TMEM38B: variants seen among roughly 807,000 people sequenced by gnomAD.
TMEM38B encodes the protein trimeric intracellular cation channel type B.
TMEM38B carries 24 observed loss-of-function variants against 28.7 expected under a neutral mutation model. That is an observed-to-expected ratio of 0.84 (90% CI 0.61 to 1.18). The LOEUF is 1.18. Among genes scored for constraint, TMEM38B ranks in the 50% most tolerant of loss-of-function variants. TMEM38B has a pLI of 0.00. For synonymous variants in TMEM38B, 131 were observed against 127.7 expected (o/e 1.03, Z -0.17); for missense variants, 380 against 350.9 (o/e 1.08, Z -0.66).
At chr9:105,744,119 T>TA (rs1407650615) in intron 4 of TMEM38B, among the ~76,000 whole-genome samples, 1 of 152,032 alleles carries the variant, frequency 6.6e-6, no homozygotes, top group Non-Finnish European at 1.5e-5. Context: ...TGGGTTGGGA[T>TA]AAAATATTTA....
At chr9:105,747,168 T>C (rs1412036107) in intron 4 of TMEM38B, among the ~76,000 whole-genome samples, 3 of 152,222 alleles carry the variant, frequency 2.0e-5, no homozygotes, top group Non-Finnish European at 4.4e-5. Context: ...CTCCTCCTTG[T>C]ACCTCTGGTA....
intron 2 of TMEM38B, among the ~76,000 whole-genome samples, chr9:105,713,788 C>A (rs1835995673): frequency 6.6e-6 from 1 of 152,198 alleles, no homozygotes; most frequent in Non-Finnish European, 1.5e-5. Flanking sequence ...CCATGGCTTC[C>A]CATGGCTGCT....
intron 2 of TMEM38B, 130 bp downstream of exon 2, chr9:105,705,883 AC>A: frequency 1.1e-6 from 1 of 934,350 alleles, no homozygotes; most frequent in Non-Finnish European, 1.5e-6. Flanking sequence ...CAAGGAAGGA[AC>A]CCAAATAATG....
intron 5 of TMEM38B, among the ~76,000 whole-genome samples, chr9:105,768,719 T>C (rs1826453739): frequency 6.6e-6 from 1 of 152,198 alleles, no homozygotes; most frequent in African/African-American, 2.4e-5. Context: ...GTTATCCCTT[T>C]AATGTCTGTA....
chr9:105,751,698 T>TG (rs1837658782), intron 5 of TMEM38B, among the ~76,000 whole-genome samples: 1 of 152,092 alleles, frequency 6.6e-6, no homozygotes, highest in Non-Finnish European at 1.5e-5. Context: ...CTTGAGTTCC[T>TG]GGGGGGAGGG....
intron 4 of TMEM38B, among the ~76,000 whole-genome samples, chr9:105,734,921 C>G (rs1836915062): frequency 6.8e-6 from 1 of 146,884 alleles, no homozygotes; most frequent in Non-Finnish European, 1.5e-5. Flanking sequence ...GGCATTTAAT[C>G]CATTTACATT....
intron 1 of TMEM38B, 53 bp downstream of exon 1, chr9:105,694,825 G>A: frequency 2.2e-6 from 1 of 451,024 alleles, no homozygotes; most frequent in Non-Finnish European, 3.8e-6. Context: ...TGACGGCGAG[G>A]ACCGTCTAAG....
chr9:105,720,786 A>G (rs191618564), intron 2 of TMEM38B, among the ~76,000 whole-genome samples: 9 of 152,260 alleles, frequency 5.9e-5, no homozygotes, highest in African/African-American at 2.2e-4. Context: ...GAGTATTTGG[A>G]GAATGGAGAG....
intron 1 of TMEM38B, among the ~76,000 whole-genome samples, chr9:105,696,781 G>T (rs1006731233): frequency 1.3e-5 from 2 of 152,212 alleles, no homozygotes; most frequent in African/African-American, 4.8e-5. Flanking sequence ...TTAAGAGCAG[G>T]ATTTATGGTA....
intron 1 of TMEM38B, among the ~76,000 whole-genome samples, chr9:105,700,139 T>A (rs1835416640): frequency 6.6e-6 from 1 of 152,224 alleles, no homozygotes; most frequent in African/African-American, 2.4e-5. Context: ...TCTGCTAACC[T>A]CTCTGAAGTC....
intron 4 of TMEM38B, among the ~76,000 whole-genome samples, chr9:105,744,573 TTTTTTATTTTTTA>T (rs1481472674): frequency 3.3e-5 from 5 of 151,852 alleles, no homozygotes; most frequent in Non-Finnish European, 2.9e-5. Flanking sequence ...TTTTTTTTAT[TTTTTTATTTTTTA>T]TTTTTATTTT....
intron 4 of TMEM38B, among the ~76,000 whole-genome samples, chr9:105,723,800 A>T (rs1453104261): frequency 6.6e-6 from 1 of 152,082 alleles, no homozygotes; most frequent in Admixed American, 6.5e-5. Flanking sequence ...AGGGGCAGGG[A>T]TTACAGGCAT....
chr9:105,763,287 C>G (rs1443057236), intron 5 of TMEM38B, among the ~76,000 whole-genome samples: 1 of 152,124 alleles, frequency 6.6e-6, no homozygotes, highest in Non-Finnish European at 1.5e-5. Context: ...TCAATTTTGG[C>G]TTTGGTTGCC....
At chr9:105,741,209 T>C (rs1460402771) in intron 4 of TMEM38B, among the ~76,000 whole-genome samples, 1 of 152,204 alleles carries the variant, frequency 6.6e-6, no homozygotes, top group Admixed American at 6.5e-5. Context: ...CTGATACTGA[T>C]TTTAAATTTC....
intron 4 of TMEM38B, among the ~76,000 whole-genome samples, chr9:105,744,869 A>C (rs892569342): frequency 1.3e-5 from 2 of 152,160 alleles, no homozygotes; most frequent in African/African-American, 4.8e-5. Flanking sequence ...TAGTTTGCTG[A>C]GAATGATGGT....
chr9:105,714,892 T>C (rs1292371379), intron 2 of TMEM38B, among the ~76,000 whole-genome samples: 1 of 152,260 alleles, frequency 6.6e-6, no homozygotes. Context: ...GATCATTATG[T>C]CTAGGCCTTT....
chr9:105,714,940 C>G (rs1279620706), intron 2 of TMEM38B, among the ~76,000 whole-genome samples: 1 of 152,174 alleles, frequency 6.6e-6, no homozygotes, highest in Non-Finnish European at 1.5e-5. Flanking sequence ...GATAAAATAA[C>G]TCATGACTTT....
At chr9:105,702,101 A>G (rs1181627844) in intron 1 of TMEM38B, among the ~76,000 whole-genome samples, 3 of 152,222 alleles carry the variant, frequency 2.0e-5, no homozygotes, top group Non-Finnish European at 4.4e-5. Context: ...AACTTGATCT[A>G]AAACTCCTTG....
chr9:105,772,558 T>G (rs1030395794), intron 5 of TMEM38B, among the ~76,000 whole-genome samples: 8 of 152,320 alleles, frequency 5.3e-5, no homozygotes, highest in African/African-American at 1.7e-4. Context: ...TTTTAGCAGT[T>G]ACTTTATGTA....
Sources: gnomAD v4.1 joint callset for allele counts (sites outside exome capture counted in the v4.1 genomes callset) on GRCh38, gnomAD v4.1.1 for gene constraint, MANE v1.5 for transcripts, NCBI Gene and HGNC (gene_info 2026-07-23, HGNC 2026-07-21) for gene names.